KDM5B: variants seen among roughly 807,000 people sequenced by gnomAD.
KDM5B encodes the protein lysine-specific demethylase 5B.
In KDM5B, 144 loss-of-function variants were observed where a neutral mutation model predicts 193.4. The ratio of observed to expected loss-of-function variants is 0.74; its 90% CI spans 0.65 to 0.86. The LOEUF (loss-of-function observed/expected upper bound fraction) is 0.86. Ranked by LOEUF, KDM5B falls within the 40% of genes least tolerant of loss-of-function variation. KDM5B has a pLI of 0.00. For missense variants in KDM5B, 1,833 were observed against 1,886.9 expected (o/e 0.97, Z 0.53); for synonymous variants, 668 against 682.6 (o/e 0.98, Z 0.33).
chr1:202,738,695 T>G (rs1234207194), intron 20 of KDM5B, among the ~76,000 whole-genome samples: 8 of 152,200 alleles, frequency 5.3e-5, no homozygotes, highest in Admixed American at 5.2e-4. Context: ...TTGAGACTTT[T>G]TTTTTTCTCA....
chr1:202,807,952 T>C, intron 1 of KDM5B, 150 bp downstream of exon 1: 1 of 728,756 alleles, frequency 1.4e-6, no homozygotes, highest in East Asian at 3.2e-5. Flanking sequence ...TCCCCCGGCC[T>C]CAACTCCGAC....
At chr1:202,785,507 A>G (rs1247608541) in intron 1 of KDM5B, among the ~76,000 whole-genome samples, 2 of 152,188 alleles carry the variant, frequency 1.3e-5, no homozygotes, top group Non-Finnish European at 2.9e-5. Context: ...TACTAGGTTA[A>G]GTTCCTTGTA....
intron 16 of KDM5B, among the ~76,000 whole-genome samples, chr1:202,743,852 T>A (rs944475172): frequency 6.6e-6 from 1 of 152,166 alleles, no homozygotes; most frequent in African/African-American, 2.4e-5. Context: ...TCAAGAGGAA[T>A]GAAAGACTTA....
chr1:202,762,635 A>G, intron 7 of KDM5B, 64 bp downstream of exon 7: 1 of 929,754 alleles, frequency 1.1e-6, no homozygotes, highest in Non-Finnish European at 1.8e-6. Context: ...GGTAAAGGGG[A>G]TTAAAGAAAG....
intron 12 of KDM5B, among the ~76,000 whole-genome samples, chr1:202,751,879 T>C (rs1399307322): frequency 1.3e-5 from 2 of 152,010 alleles, no homozygotes; most frequent in African/African-American, 4.8e-5. Context: ...GAAAAAACAG[T>C]CAACATGAGG....
rs1455655231 is a variant in KDM5B at position 202,725,976 on chromosome 1, T to C, written c.*3060A>G. On this transcript the variant is annotated 3_prime_UTR_variant, in exon 27 of 27. Transcript: ENST00000367265. ...CTGCCAAATATCCATCAAGATTTTT[T>C]AAGTGAAATACAAAGAGGCAGAAAC... 14 of 152,228 alleles carry C rather than the reference T, an allele frequency of 9.2e-5. No individual in the cohort carries two copies. The highest frequency in any genetic ancestry group is 9.2e-4 in the Admixed American group (14 of 15,286). The allele number at this position is 152,228 out of a possible 1,614,324, so 9.4% of individuals were successfully genotyped here.
In KDM5B at chr1:202,728,032, A is replaced by C. The variant is rs1654735281; in HGVS notation, c.*1004T>G. The C allele has an allele frequency of 6.6e-6, 1 of 152,480 alleles. No individual in the cohort carries two copies. Among genetic ancestry groups the C allele is most frequent in the Admixed American group, 6.5e-5 (1 of 15,284 alleles). The allele number at this position is 152,480 out of a possible 1,614,324, so 9.4% of individuals were successfully genotyped here. A position where few individuals can be genotyped will look rare whatever the true frequency, so the allele number is the denominator to read the frequency against. The stretch of plus-strand genomic sequence containing the variant: ...TGTAGGCATATGGCCCACCAAACAG[A>C]GCAGGACACAAAAGAAGAATCCCCT... On this transcript the variant is annotated 3_prime_UTR_variant, in exon 27 of 27. Coordinates refer to ENST00000367265, the MANE Select transcript of KDM5B (RefSeq NM_006618.5).
At chr1:202,776,259 T>TA (rs1558507529) in intron 2 of KDM5B, 1 of 151,978 alleles carries the variant, frequency 6.6e-6, no homozygotes, top group Non-Finnish European at 1.5e-5. Context: ...ATTGACTTTT[T>TA]TAAAAAATTT....
intron 1 of KDM5B, among the ~76,000 whole-genome samples, chr1:202,783,242 T>A (rs1273074462): frequency 6.6e-6 from 1 of 152,008 alleles, no homozygotes; most frequent in Non-Finnish European, 1.5e-5. Context: ...CACTCCAGCC[T>A]GGGTGACAGA....
intron 4 of KDM5B, among the ~76,000 whole-genome samples, chr1:202,770,597 T>C (rs1318780789): frequency 6.6e-6 from 1 of 152,138 alleles, no homozygotes; most frequent in Non-Finnish European, 1.5e-5. Context: ...CAAAATAAAG[T>C]CTGGCTATAA....
chr1:202,739,570 GA>G (rs1366740773), intron 20 of KDM5B, among the ~76,000 whole-genome samples: 9 of 151,972 alleles, frequency 5.9e-5, no homozygotes. Flanking sequence ...AACGTCAGCA[GA>G]TAAACAAGTG....
chr1:202,803,689 G>A (rs371906144), intron 1 of KDM5B, among the ~76,000 whole-genome samples: 3 of 151,996 alleles, frequency 2.0e-5, no homozygotes, highest in East Asian at 3.9e-4. Flanking sequence ...CGGGCGTGGC[G>A]GTGCATGCCC....
chr1:202,747,763 T>A (rs898712933), intron 14 of KDM5B, among the ~76,000 whole-genome samples: 3 of 151,968 alleles, frequency 2.0e-5, no homozygotes, highest in Non-Finnish European at 4.4e-5. Context: ...TTTATAATAG[T>A]GCCAAAAAAC....
rs1266099600 is a variant in KDM5B at position 202,771,753 on chromosome 1, C to T, written c.576+1365G>A. 2.6e-5 allele frequency among the ~76,000 whole-genome samples: 4 copies of T among 151,646 alleles called. No homozygotes were observed. In the South Asian group the frequency reaches 6.2e-4, roughly 24 times the overall value. On this transcript the variant is annotated intron_variant, in intron 4 of 26. Coordinates refer to ENST00000367265, the MANE Select transcript of KDM5B (RefSeq NM_006618.5). ...CGCACCACCACGCTCAGCTAATTTA[C>T]GTATTTTTAGTGGAGACAGGGTTTC...
intron 1 of KDM5B, among the ~76,000 whole-genome samples, chr1:202,784,166 C>T (rs1657313601): frequency 6.6e-6 from 1 of 152,186 alleles, no homozygotes; most frequent in African/African-American, 2.4e-5. Flanking sequence ...GTGCTATTAA[C>T]ATCCACATAT....
chr1:202,792,537 A>G (rs1657681848), intron 1 of KDM5B, among the ~76,000 whole-genome samples: 1 of 152,240 alleles, frequency 6.6e-6, no homozygotes. Context: ...AAATGAGCCA[A>G]CAAACTAACA....
At chr1:202,799,459 G>C (rs1657986978) in intron 1 of KDM5B, among the ~76,000 whole-genome samples, 1 of 152,148 alleles carries the variant, frequency 6.6e-6, no homozygotes, top group South Asian at 2.1e-4. Context: ...TTCGAGACCA[G>C]CCTGACCAAG....
chr1:202,763,775 A>T (rs1201170330), intron 6 of KDM5B, among the ~76,000 whole-genome samples: 2 of 152,150 alleles, frequency 1.3e-5, no homozygotes, highest in Non-Finnish European at 2.9e-5. Flanking sequence ...TCAAAGTAGC[A>T]ACTTGCTACA....
chr1:202,734,333 T>A (rs1008040832), intron 22 of KDM5B, among the ~76,000 whole-genome samples: 1 of 124,294 alleles, frequency 8.0e-6, no homozygotes, highest in Non-Finnish European at 1.7e-5. Context: ...GCAAATCAGG[T>A]AAAGACCTTT....
Sources: allele counts gnomAD v4.1 joint callset (sites outside exome capture counted in the v4.1 genomes callset), GRCh38; gene constraint gnomAD v4.1.1; transcripts MANE v1.5; gene names NCBI Gene and HGNC (gene_info 2026-07-23, HGNC 2026-07-21).